TRAPPC8: variants seen among roughly 807,000 people sequenced by gnomAD.
The protein encoded by TRAPPC8 is general sporulation gene 1 homolog.
A neutral mutation model predicts 174.3 loss-of-function variants in TRAPPC8; 54 were observed. That is an observed-to-expected ratio of 0.31 (90% CI 0.25 to 0.39). The LOEUF is 0.39. TRAPPC8 is among the 10% of genes least tolerant of loss of function. The pLI, the probability that TRAPPC8 is intolerant of heterozygous loss-of-function variation, is 1.00. For missense variants in TRAPPC8, 1,531 were observed against 1,699.1 expected (o/e 0.90, Z 1.74); for synonymous variants, 630 against 579.9 (o/e 1.09, Z -1.24).
chr18:31,933,300 CAAA>C (rs770309579), intron 1 of TRAPPC8, among the ~76,000 whole-genome samples: 25,833 of 91,284 alleles, frequency 0.28, 2,694 homozygotes, highest in South Asian at 0.52. Context: ...GACTCCGTCT[CAAA>C]AAAAAAAAAA....
chr18:31,941,266 A>G (rs1478065745), intron 1 of TRAPPC8, among the ~76,000 whole-genome samples: 1 of 152,146 alleles, frequency 6.6e-6, no homozygotes, highest in Non-Finnish European at 1.5e-5. Context: ...AACATGGAGA[A>G]ACCCTGTCTC....
intron 14 of TRAPPC8, among the ~76,000 whole-genome samples, chr18:31,872,512 T>C (rs540788772): frequency 6.6e-6 from 1 of 152,130 alleles, no homozygotes; most frequent in South Asian, 2.1e-4. Flanking sequence ...CTCCGCCTCC[T>C]GGGTTCAAGC....
At chr18:31,888,415 C>T (rs2035815327) in intron 12 of TRAPPC8, among the ~76,000 whole-genome samples, 1 of 152,178 alleles carries the variant, frequency 6.6e-6, no homozygotes, top group Non-Finnish European at 1.5e-5. Context: ...TGCCTGTAAT[C>T]CCAGCTACTC....
At chr18:31,927,903 C>G (rs1173602243) in intron 2 of TRAPPC8, among the ~76,000 whole-genome samples, 1 of 152,092 alleles carries the variant, frequency 6.6e-6, no homozygotes, top group Non-Finnish European at 1.5e-5. Flanking sequence ...GCTTGTAATC[C>G]CAGCACTCTG....
At chr18:31,831,526 G>GAGTT (rs1477580600) in intron 28 of TRAPPC8, among the ~76,000 whole-genome samples, 1 of 152,120 alleles carries the variant, frequency 6.6e-6, no homozygotes, top group Non-Finnish European at 1.5e-5. Flanking sequence ...AATGCCCTAA[G>GAGTT]AGTTAGTATA....
At position 31,866,905 on chromosome 18, in the gene TRAPPC8, G is replaced by A; in HGVS notation, c.2534C>T (p.Thr845Ile). The A allele has an allele frequency of 1.2e-6, 2 of 1,613,722 alleles. No homozygotes were observed. The highest frequency in any genetic ancestry group is 1.7e-6 in the Non-Finnish European group (2 of 1,179,782). Residue 845 changes from threonine (T) to isoleucine (I), a missense_variant, in exon 18 of 29, where the codon ACT becomes ATT. Transcript: ENST00000283351. Reference sequence around the variant, plus strand: ...ATCTACTGTCATAGAGCCCTGAATAGTGCCAAGATTATAAACAACTCCCAG... The same window carrying A: ...ATCTACTGTCATAGAGCCCTGAATAATGCCAAGATTATAAACAACTCCCAG... Reference protein sequence around the residue: ...HILGVVYNLGTIQGSMTVDGI... With the variant: ...HILGVVYNLGIIQGSMTVDGI...
At chr18:31,844,698 A>C (rs1286185213) in intron 26 of TRAPPC8, 1 of 150,672 alleles carries the variant, frequency 6.6e-6, no homozygotes, top group Non-Finnish European at 1.5e-5. Flanking sequence ...GCCTGGTAAC[A>C]GAGTGAGACT....
chr18:31,918,061 G>T (rs1411216568), intron 2 of TRAPPC8, among the ~76,000 whole-genome samples: 1 of 152,136 alleles, frequency 6.6e-6, no homozygotes. Context: ...GGGAGGTGGG[G>T]GTTGAAGTGA....
chr18:31,867,604 T>C (rs918874180), intron 16 of TRAPPC8, 128 bp from the exon 17 acceptor site: 4 of 536,590 alleles, frequency 7.5e-6, no homozygotes, highest in African/African-American at 4.2e-5. Context: ...TTTTACCACA[T>C]GCTGAGCTCT....
intron 12 of TRAPPC8, among the ~76,000 whole-genome samples, chr18:31,887,890 C>T (rs999486216): frequency 5.3e-5 from 8 of 152,006 alleles, no homozygotes; most frequent in Non-Finnish European, 1.0e-4. Flanking sequence ...TATTCAAATA[C>T]GAAGAGAGGA....
intron 1 of TRAPPC8, among the ~76,000 whole-genome samples, chr18:31,933,866 T>C (rs1393381760): frequency 6.6e-6 from 1 of 152,156 alleles, no homozygotes; most frequent in African/African-American, 2.4e-5. Context: ...TGTATTTATA[T>C]TGTAAACATA....
At chr18:31,861,057 G>A (rs539915096) in intron 19 of TRAPPC8, among the ~76,000 whole-genome samples, 10 of 152,276 alleles carry the variant, frequency 6.6e-5, no homozygotes, top group African/African-American at 2.4e-4. Flanking sequence ...TTTAATGCAT[G>A]AAACAAGATG....
At chr18:31,862,112 T>C (rs1340011423) in intron 19 of TRAPPC8, among the ~76,000 whole-genome samples, 2 of 152,108 alleles carry the variant, frequency 1.3e-5, no homozygotes, top group Non-Finnish European at 2.9e-5. Context: ...CCAAACAAAA[T>C]GTTCATTAGT....
chr18:31,887,035 C>T (rs976773036), intron 12 of TRAPPC8, among the ~76,000 whole-genome samples: 1 of 152,082 alleles, frequency 6.6e-6, no homozygotes, highest in Non-Finnish European at 1.5e-5. Context: ...CTAAGAGAAA[C>T]GGCATTACTC....
Position 31,866,940 on chromosome 18 carries a change from C to T in TRAPPC8, c.2499G>A (p.Glu833=), listed in dbSNP as rs767806015. 45 of 1,613,530 alleles carry T rather than the reference C, an allele frequency of 2.8e-5. No individual in the cohort carries two copies. Among genetic ancestry groups the T allele is most frequent in the Non-Finnish European group, 3.6e-5 (43 of 1,179,762 alleles). ...RLKLFPHHIG[E]LHILGVVYNL... ...TATAAACAACTCCCAGAATATGCAGCTCCCCTATGTGATGGGGAAAGAGCT... is the reference window on the plus strand; with the variant it reads ...TATAAACAACTCCCAGAATATGCAGTTCCCCTATGTGATGGGGAAAGAGCT... The change falls in exon 18 of 29, where the codon GAG becomes GAA. Residue 833 remains glutamate, a synonymous_variant. Coordinates refer to ENST00000283351, the MANE Select transcript of TRAPPC8 (RefSeq NM_014939.5).
At chr18:31,904,393 T>C (rs1714453295) in intron 9 of TRAPPC8, among the ~76,000 whole-genome samples, 1 of 152,100 alleles carries the variant, frequency 6.6e-6, no homozygotes, top group Admixed American at 6.5e-5. Context: ...CTACTAAAAA[T>C]ACAAAATTAG....
In TRAPPC8 at chr18:31,942,854, G is replaced by C. The variant is rs1301741797; in HGVS notation, c.-90C>G. 7.9e-7 allele frequency: 1 copy of C among 1,258,092 alleles called. No homozygotes were observed. Among genetic ancestry groups the C allele is most frequent in the Non-Finnish European group, 1.0e-6 (1 of 1,000,092 alleles). 77.9% of individuals were successfully genotyped at this position (1,258,092 alleles called of 1,614,324 possible). A position where few individuals can be genotyped will look rare whatever the true frequency, so the allele number is the denominator to read the frequency against. On this transcript the variant is annotated 5_prime_UTR_variant, in exon 1 of 29. Transcript: ENST00000283351. Reference sequence around the variant, plus strand: ...GCAGCAGCTACCGCCGCCGCCCGCCGGCCTGGCCCGGCCGGGCGGGGCCCC... The same window carrying C: ...GCAGCAGCTACCGCCGCCGCCCGCCCGCCTGGCCCGGCCGGGCGGGGCCCC...
chr18:31,925,689 CCAA>C (rs1229003145), intron 2 of TRAPPC8, among the ~76,000 whole-genome samples: 1 of 152,062 alleles, frequency 6.6e-6, no homozygotes, highest in Non-Finnish European at 1.5e-5. Context: ...GTTATAAACC[CCAA>C]CGTGAAATTT....
At chr18:31,899,282 A>G (rs2036308642) in intron 10 of TRAPPC8, among the ~76,000 whole-genome samples, 1 of 152,156 alleles carries the variant, frequency 6.6e-6, no homozygotes, top group Admixed American at 6.5e-5. Flanking sequence ...CAGTTTCCTC[A>G]TCTGTAAAAT....
Sources: allele counts gnomAD v4.1 joint callset (sites outside exome capture counted in the v4.1 genomes callset), GRCh38; gene constraint gnomAD v4.1.1; transcripts MANE v1.5; gene names NCBI Gene and HGNC (gene_info 2026-07-23, HGNC 2026-07-21).